Variants in INPP5K observed in about 807,000 individuals in gnomAD.
The protein encoded by INPP5K is inositol polyphosphate 5-phosphatase K.
In INPP5K, 35 loss-of-function variants were observed where a neutral mutation model predicts 53.5. That is an observed-to-expected ratio of 0.65 (90% CI 0.50 to 0.87). The LOEUF (loss-of-function observed/expected upper bound fraction) is 0.87, where lower values mean the gene tolerates loss of function less well. INPP5K is among the 40% of genes least tolerant of loss of function. The pLI is 0.00. For missense variants in INPP5K, 550 were observed against 586.2 expected, an observed-to-expected ratio of 0.94 and a Z score of 0.64; for synonymous variants, 253 against 232.8, an observed-to-expected ratio of 1.09 and a Z score of -0.79.
At chr17:1,514,327 GAA>G (rs61540543) in intron 1 of INPP5K, among the ~76,000 whole-genome samples, 5 of 145,308 alleles carry the variant, frequency 3.4e-5, no homozygotes, top group Admixed American at 1.4e-4. Context: ...TGTCTCAAAA[GAA>G]AAAAAAAAAA....
At chr17:1,496,533 G>T in intron 9 of INPP5K, 131 bp from the exon 10 acceptor site, 1 of 1,382,384 alleles carries the variant, frequency 7.2e-7, no homozygotes, top group Non-Finnish European at 1.0e-6. Context: ...TTCACTGCCA[G>T]CCTTTAGCTA....
Position 1,507,102 on chromosome 17 carries a change from T to A in INPP5K, c.667-13A>T. 8 of 1,608,498 alleles carry A rather than the reference T, an allele frequency of 5.0e-6. No individual in the cohort carries two copies. The highest frequency in any genetic ancestry group is 6.8e-6 in the Non-Finnish European group (8 of 1,175,102). On this transcript the variant is annotated splice_polypyrimidine_tract_variant and intron_variant, in intron 6 of 11. Transcript: ENST00000421807. The stretch of plus-strand genomic sequence containing the variant: ...TGGCAATGCTGAGCTGCAGACAAAG[T>A]CATAGTCCCCGTCTCCCAGTAGTCT...
Position 1,509,373 on chromosome 17 carries a change from G to C in INPP5K, c.379-20C>G, listed in dbSNP as rs1360122034. On this transcript the variant is annotated intron_variant, in intron 4 of 11. Transcript: ENST00000421807. The stretch of plus-strand genomic sequence containing the variant: ...GTTCCCCTGGTAGAACAGGTCAACA[G>C]AAGAGTGGGAAGCTACTCGGGTTGG... 1 of 1,604,750 alleles carries C rather than the reference G, an allele frequency of 6.2e-7. No individual in the cohort carries two copies. Among genetic ancestry groups the C allele is most frequent in the Non-Finnish European group, 8.5e-7 (1 of 1,174,022 alleles).
At position 1,500,679 on chromosome 17, in the gene INPP5K, A is replaced by G. The variant is rs144426321; in HGVS notation, c.777-2557T>C. ...GCGCCCGGCCACTGAAACATTTTAT[A>G]CCAGTATTATACGATTACACTACAT... is the stretch of plus-strand genomic sequence containing the variant. On this transcript the variant is annotated intron_variant, in intron 7 of 11. Transcript: ENST00000421807. Among the ~76,000 whole-genome samples the G allele has an allele frequency of 6.3e-4, 95 of 151,962 alleles. 1 individual carries two copies. The highest frequency in any genetic ancestry group is 2.2e-3 in the African/African-American group (92 of 41,434).
At position 1,507,003 on chromosome 17, in the gene INPP5K, C is replaced by G; in HGVS notation, c.753G>C (p.Arg251Ser). ...LLFPPTYKFDRNSNDYDTSEK... is the reference protein window; with the variant it reads ...LLFPPTYKFDSNSNDYDTSEK... ...ACCTGGTGTCATAGTCGTTGGAGTT[C>G]CTATCAAACTTGTAGGTGGGCGGGA... is the stretch of plus-strand genomic sequence containing the variant. The change falls in exon 7 of 12, where the codon AGG (arginine) becomes AGC (serine). Residue 251 changes from arginine to serine, a missense_variant. Physicochemically the swap from Arg to Ser is moderately radical, Grantham distance 110. Coordinates refer to ENST00000421807, the MANE Select transcript of INPP5K (RefSeq NM_016532.4). The G allele has an allele frequency of 6.2e-7, 1 of 1,613,770 alleles. No individual in the cohort carries two copies. Among genetic ancestry groups the G allele is most frequent in the South Asian group, 1.1e-5 (1 of 91,060 alleles).
At position 1,516,547 on chromosome 17, in the gene INPP5K, G is replaced by A; in HGVS notation, c.-48C>T. On this transcript the variant is annotated 5_prime_UTR_variant, in exon 1 of 12. Coordinates refer to ENST00000421807, the MANE Select transcript of INPP5K (RefSeq NM_016532.4). Reference sequence around the variant, plus strand: ...TGGTCCGGCAGGTTCGCGTCTCCCGGCCAGCGGGTCCCGGCCAGAGCAGCC... The same window carrying A: ...TGGTCCGGCAGGTTCGCGTCTCCCGACCAGCGGGTCCCGGCCAGAGCAGCC... 6.5e-7 allele frequency: 1 copy of A among 1,527,076 alleles called. No individual in the cohort carries two copies. The highest frequency in any genetic ancestry group is 8.7e-7 in the Non-Finnish European group (1 of 1,146,116). The allele number at this position is 1,527,076 out of a possible 1,614,324, so 94.6% of individuals were successfully genotyped here. A position where few individuals can be genotyped will look rare whatever the true frequency, so the allele number is the denominator to read the frequency against.
intron 6 of INPP5K, chr17:1,507,532 C>G (rs2150987940): frequency 5.9e-6 from 1 of 169,668 alleles, no homozygotes; most frequent in Non-Finnish European, 1.2e-5. Flanking sequence ...CTTCTGGTTC[C>G]CTATTCTTCT....
rs948140653 is a variant in INPP5K at position 1,496,862 on chromosome 17, C to T, written c.964-59G>A. On this transcript the variant is annotated intron_variant, in intron 8 of 11. Coordinates refer to ENST00000421807, the MANE Select transcript of INPP5K (RefSeq NM_016532.4). Reference sequence around the variant, plus strand: ...GCAGCATCATTCCCTCCTCTGAGGCCAAGTGTTCCTCACTGTGCCCTTCCA... The same window carrying T: ...GCAGCATCATTCCCTCCTCTGAGGCTAAGTGTTCCTCACTGTGCCCTTCCA... The T allele has an allele frequency of 7.6e-6, 12 of 1,570,956 alleles. No homozygotes were observed. In the Admixed American group the frequency reaches 9.0e-5, roughly 12 times the overall value.
Position 1,495,697 on chromosome 17 carries a change from G to A in INPP5K, c.*126C>T, listed in dbSNP as rs1272024408. On this transcript the variant is annotated 3_prime_UTR_variant, in exon 12 of 12. Coordinates refer to ENST00000421807, the MANE Select transcript of INPP5K (RefSeq NM_016532.4). Reference sequence around the variant, plus strand: ...GCCTGGTTAGAGCTCACTCTGGGAGGAGTATGTGGACGACACTTGGCTGTC... The same window carrying A: ...GCCTGGTTAGAGCTCACTCTGGGAGAAGTATGTGGACGACACTTGGCTGTC... 3 of 663,686 alleles carry A rather than the reference G, an allele frequency of 4.5e-6. No homozygotes were observed. Among genetic ancestry groups the A allele is most frequent in the Admixed American group, 2.8e-5 (1 of 35,982 alleles). 41.1% of individuals were successfully genotyped at this position (663,686 alleles called of 1,614,324 possible). A position where few individuals can be genotyped will look rare whatever the true frequency, so the allele number is the denominator to read the frequency against.
Position 1,496,571 on chromosome 17 carries a change from T to C in INPP5K, c.1101+95A>G. On this transcript the variant is annotated intron_variant, in intron 9 of 11. Coordinates refer to ENST00000421807, the MANE Select transcript of INPP5K (RefSeq NM_016532.4). ...GAAGAACCGCTGGGGTGGATGAGGGTGAGTTCGTCAGCATCTGCCCAGCTC... is the reference window on the plus strand; with the variant it reads ...GAAGAACCGCTGGGGTGGATGAGGGCGAGTTCGTCAGCATCTGCCCAGCTC... 2.0e-6 allele frequency: 3 copies of C among 1,513,776 alleles called. No homozygotes were observed. In the South Asian group the frequency reaches 3.5e-5, roughly 18 times the overall value. The allele number at this position is 1,513,776 out of a possible 1,614,324, so 93.8% of individuals were successfully genotyped here. A position where few individuals can be genotyped will look rare whatever the true frequency, so the allele number is the denominator to read the frequency against.
At chr17:1,498,500 C>A (rs1042257069) in intron 7 of INPP5K, among the ~76,000 whole-genome samples, 9 of 152,094 alleles carry the variant, frequency 5.9e-5, no homozygotes, top group African/African-American at 1.9e-4. Flanking sequence ...ATTTGGCTGC[C>A]CTGCATACTA....
intron 10 of INPP5K, 74 bp from the exon 11 acceptor site, chr17:1,496,238 T>G: frequency 6.7e-7 from 1 of 1,501,436 alleles, no homozygotes; most frequent in Non-Finnish European, 9.2e-7. Context: ...GACAAGTTAT[T>G]CAGCACTCTG....
intron 7 of INPP5K, 63 bp downstream of exon 7, chr17:1,506,917 C>G: frequency 8.7e-7 from 1 of 1,150,024 alleles, no homozygotes; most frequent in Non-Finnish European, 1.3e-6. Flanking sequence ...AGACAGTTCC[C>G]ATGCCAGCAG....
chr17:1,501,011 T>C (rs1402057880), intron 7 of INPP5K, among the ~76,000 whole-genome samples: 1 of 148,386 alleles, frequency 6.7e-6, no homozygotes, highest in Non-Finnish European at 1.5e-5. Context: ...CAGGCTGGAG[T>C]GCAGTGGCGC....
At chr17:1,507,648 C>T (rs1219036418) in intron 6 of INPP5K, 3 of 156,558 alleles carry the variant, frequency 1.9e-5, no homozygotes, top group African/African-American at 7.3e-5. Context: ...TCAAGCGATT[C>T]CCCTACCTCA....
chr17:1,515,869 C>A, intron 1 of INPP5K: 9 of 972,050 alleles, frequency 9.3e-6, no homozygotes, highest in Non-Finnish European at 9.8e-6. Flanking sequence ...TACTCAGAGA[C>A]TTCTTTTCCC....
chr17:1,508,781 G>GTCCAGGATGTTTGGGATGTCTCGC, intron 5 of INPP5K, among the ~76,000 whole-genome samples: 1 of 127,082 alleles, frequency 7.9e-6, no homozygotes, highest in East Asian at 3.4e-4. Context: ...CTCACTCGTG[G>GTCCAGGATGTTTGGGATGTCTCGC]CGGTCAGCTG....
At chr17:1,502,662 C>G (rs763882732) in intron 7 of INPP5K, among the ~76,000 whole-genome samples, 8 of 152,126 alleles carry the variant, frequency 5.3e-5, no homozygotes, top group Non-Finnish European at 7.3e-5. Context: ...CCTTGAGGAG[C>G]CTGTTTAGCA....
chr17:1,512,056 A>G (rs960763795), intron 3 of INPP5K, among the ~76,000 whole-genome samples: 5 of 152,162 alleles, frequency 3.3e-5, no homozygotes, highest in African/African-American at 1.2e-4. Flanking sequence ...TTCTCAGTCT[A>G]TAGCTGGCAA....
Sources: gnomAD v4.1 joint callset for allele counts (sites outside exome capture counted in the v4.1 genomes callset) on GRCh38, gnomAD v4.1.1 for gene constraint, MANE v1.5 for transcripts, NCBI Gene and HGNC (gene_info 2026-07-23, HGNC 2026-07-21) for gene names.